Variants in PARD3 observed in about 807,000 individuals in gnomAD.
PARD3 encodes the protein partitioning defective 3 homolog.
A neutral mutation model predicts 155.4 loss-of-function variants in PARD3; 75 were observed. The ratio of observed to expected loss-of-function variants is 0.48; its 90% CI spans 0.40 to 0.58. The LOEUF is 0.58. Ranked by LOEUF, PARD3 falls within the 20% of genes least tolerant of loss-of-function variation. PARD3 has a pLI of 0.00. For synonymous variants in PARD3, 576 were observed against 610.5 expected (o/e 0.94, Z 0.83); for missense variants, 1,642 against 1,721.7 (o/e 0.95, Z 0.82).
intron 24 of PARD3, among the ~76,000 whole-genome samples, chr10:34,117,171 C>T (rs925862325): frequency 7.9e-5 from 12 of 152,352 alleles, no homozygotes; most frequent in Non-Finnish European, 1.2e-4. Flanking sequence ...GCAGCTCCCA[C>T]ATCACTGCTC....
At chr10:34,396,232 C>T (rs760722016) in intron 7 of PARD3, among the ~76,000 whole-genome samples, 16 of 152,206 alleles carry the variant, frequency 1.1e-4, no homozygotes, top group Admixed American at 1.3e-4. Flanking sequence ...TGCCTGTAGT[C>T]CCAGCTTCTA....
intron 2 of PARD3, among the ~76,000 whole-genome samples, chr10:34,614,207 CT>C (rs2091101670): frequency 6.6e-6 from 1 of 152,160 alleles, no homozygotes; most frequent in Non-Finnish European, 1.5e-5. Context: ...GACCTCTCTC[CT>C]TTTGCTCCGC....
chr10:34,498,430 T>C (rs2080435630), intron 3 of PARD3, among the ~76,000 whole-genome samples: 2 of 152,206 alleles, frequency 1.3e-5, no homozygotes, highest in Admixed American at 6.5e-5. Context: ...TCTCATTTCA[T>C]ACATGCCATT....
At chr10:34,134,256 C>G (rs1463573636) in intron 22 of PARD3, among the ~76,000 whole-genome samples, 1 of 152,140 alleles carries the variant, frequency 6.6e-6, no homozygotes, top group African/African-American at 2.4e-5. Context: ...TGGGCATTCC[C>G]GAATCTCACT....
intron 19 of PARD3, among the ~76,000 whole-genome samples, chr10:34,325,665 A>G (rs1030232866): frequency 6.6e-6 from 1 of 152,122 alleles, no homozygotes; most frequent in Non-Finnish European, 1.5e-5. Context: ...CCTAAATATC[A>G]GACTTTAGGT....
Position 34,757,599 on chromosome 10 carries a change from T to A in PARD3, c.120+57277A>T, listed in dbSNP as rs186957268. ...GGTGGCTCACGCCTATAAACCCAGC[T>A]ACTCGGGAGGCTGAGGTGGGAGAAT... On this transcript the variant is annotated intron_variant, in intron 1 of 24. Transcript: ENST00000374788. Among the ~76,000 whole-genome samples, 16 of 151,548 alleles carry A rather than the reference T, an allele frequency of 1.1e-4. No homozygotes were observed. In the East Asian group the frequency reaches 3.1e-3, roughly 29 times the overall value.
chr10:34,595,195 C>A (rs1414389463), intron 2 of PARD3, among the ~76,000 whole-genome samples: 1 of 152,196 alleles, frequency 6.6e-6, no homozygotes, highest in East Asian at 1.9e-4. Context: ...CATTCTGTCT[C>A]CCTTCTTCCA....
At chr10:34,531,470 C>G (rs908736305) in intron 2 of PARD3, among the ~76,000 whole-genome samples, 1 of 152,162 alleles carries the variant, frequency 6.6e-6, no homozygotes, top group Non-Finnish European at 1.5e-5. Context: ...AATGACATTA[C>G]TTTTTCTCAA....
chr10:34,731,266 GA>G (rs1314294715), intron 1 of PARD3, among the ~76,000 whole-genome samples: 2 of 152,194 alleles, frequency 1.3e-5, no homozygotes, highest in African/African-American at 4.8e-5. Context: ...TGTATGCAAA[GA>G]AAATGTATTC....
At chr10:34,447,501 A>G (rs2076808226) in intron 5 of PARD3, among the ~76,000 whole-genome samples, 1 of 144,420 alleles carries the variant, frequency 6.9e-6, no homozygotes, top group Non-Finnish European at 1.5e-5. Flanking sequence ...AAAAAAAAAA[A>G]AAAAAAAAAA....
chr10:34,696,095 A>T (rs988658117), intron 2 of PARD3, among the ~76,000 whole-genome samples: 4 of 152,120 alleles, frequency 2.6e-5, no homozygotes, highest in Non-Finnish European at 5.9e-5. Context: ...AAAACCCCAA[A>T]ACCTAGTGTT....
At chr10:34,503,504 T>C (rs1408150647) in intron 3 of PARD3, among the ~76,000 whole-genome samples, 1 of 152,228 alleles carries the variant, frequency 6.6e-6, no homozygotes, top group Non-Finnish European at 1.5e-5. Flanking sequence ...CCTCACTAAA[T>C]ATCAGCTCTG....
rs80028677 is a variant in PARD3, at chr10:34,254,095, T to C, written c.3419+15562A>G. Among the ~76,000 whole-genome samples, 1,310 of 152,146 alleles carry C rather than the reference T, an allele frequency of 8.6e-3. 22 individuals are homozygous for C. The highest frequency in any genetic ancestry group is 0.03 in the African/African-American group (1,250 of 41,506). The stretch of plus-strand genomic sequence containing the variant: ...ATGAATACAAACAAACTAAAAAAAT[T>C]TTAAGGCCGGGAGTGGTGGCTCACT... On this transcript the variant is annotated intron_variant, in intron 22 of 24. Transcript: ENST00000374788.
chr10:34,477,116 A>G (rs902940863), intron 3 of PARD3, among the ~76,000 whole-genome samples: 31 of 152,202 alleles, frequency 2.0e-4, no homozygotes, highest in African/African-American at 7.2e-4. Context: ...GGCCTATTTC[A>G]GCATTATTAA....
At chr10:34,409,509 TC>T (rs1225258516) in intron 5 of PARD3, among the ~76,000 whole-genome samples, 1 of 152,166 alleles carries the variant, frequency 6.6e-6, no homozygotes, top group Non-Finnish European at 1.5e-5. Context: ...TAATAACTAG[TC>T]CCAGCACCTT....
At chr10:34,257,559 T>G (rs922524543) in intron 22 of PARD3, among the ~76,000 whole-genome samples, 10 of 152,168 alleles carry the variant, frequency 6.6e-5, no homozygotes, top group Non-Finnish European at 1.2e-4. Context: ...TTTAAAGACC[T>G]AAAAGTTCAG....
chr10:34,496,490 C>T (rs552495849), intron 3 of PARD3, among the ~76,000 whole-genome samples: 94 of 152,274 alleles, frequency 6.2e-4, no homozygotes, highest in African/African-American at 2.2e-3. Flanking sequence ...TGGAACCATA[C>T]AACAATGCCT....
chr10:34,384,103 C>G (rs764633297), intron 8 of PARD3, 26 bp downstream of exon 8: 39 of 1,607,886 alleles, frequency 2.4e-5, no homozygotes, highest in Middle Eastern at 1.7e-4. Flanking sequence ...CAAGTAAGAA[C>G]AGAAGTGCAG....
chr10:34,481,636 A>C (rs1283296327), intron 3 of PARD3, among the ~76,000 whole-genome samples: 2 of 152,116 alleles, frequency 1.3e-5, no homozygotes, highest in African/African-American at 2.4e-5. Flanking sequence ...TCTTTTATAT[A>C]TATTTTGGTG....
Sources: gnomAD v4.1 joint callset for allele counts (sites outside exome capture counted in the v4.1 genomes callset) on GRCh38, gnomAD v4.1.1 for gene constraint, MANE v1.5 for transcripts, NCBI Gene and HGNC (gene_info 2026-07-23, HGNC 2026-07-21) for gene names.